Variants in FOXP1 observed in about 807,000 individuals in gnomAD.
The protein encoded by FOXP1 is forkhead box protein P1.
A neutral mutation model predicts 98.2 loss-of-function variants in FOXP1; 15 were observed. The ratio of observed to expected loss-of-function variants is 0.15; its 90% CI spans 0.10 to 0.24. The LOEUF (loss-of-function observed/expected upper bound fraction) is 0.24, where lower values mean the gene tolerates loss of function less well. Ranked by LOEUF, FOXP1 falls within the 10% of genes least tolerant of loss-of-function variation. The pLI, the probability that FOXP1 is intolerant of heterozygous loss-of-function variation, is 1.00. For missense variants in FOXP1, 633 were observed against 848.5 expected (o/e 0.75, Z 3.15); for synonymous variants, 371 against 314.5 (o/e 1.18, Z -1.90).
At chr3:71,565,036 T>C (rs1387754751) in intron 2 of FOXP1, among the ~76,000 whole-genome samples, 1 of 151,980 alleles carries the variant, frequency 6.6e-6, no homozygotes, top group Non-Finnish European at 1.5e-5. Flanking sequence ...GGAGGCGAGG[T>C]TGCAGGGAGC....
At chr3:71,236,616 T>A (rs1214075243) in intron 5 of FOXP1, among the ~76,000 whole-genome samples, 1 of 152,158 alleles carries the variant, frequency 6.6e-6, no homozygotes, top group Non-Finnish European at 1.5e-5. Context: ...ACACCTGTAA[T>A]CCCAACACTT....
At chr3:71,108,101 A>G (rs931829010) in intron 7 of FOXP1, among the ~76,000 whole-genome samples, 1 of 152,214 alleles carries the variant, frequency 6.6e-6, no homozygotes, top group Non-Finnish European at 1.5e-5. Context: ...TCAGGTTCAA[A>G]TTCTTTATAG....
chr3:71,042,608 G>A (rs1039459632), intron 10 of FOXP1, among the ~76,000 whole-genome samples: 1 of 152,172 alleles, frequency 6.6e-6, no homozygotes, highest in African/African-American at 2.4e-5. Flanking sequence ...CACATTAGAA[G>A]TGGACGTCTG....
chr3:70,986,195 T>C (rs549576790), intron 14 of FOXP1, among the ~76,000 whole-genome samples: 2 of 152,330 alleles, frequency 1.3e-5, no homozygotes, highest in East Asian at 3.9e-4. Context: ...ACCAGCTGCT[T>C]AACACTGGTC....
At chr3:71,110,842 T>C (rs979465959) in intron 7 of FOXP1, among the ~76,000 whole-genome samples, 3 of 152,228 alleles carry the variant, frequency 2.0e-5, no homozygotes, top group Non-Finnish European at 4.4e-5. Flanking sequence ...GCACTTCTTA[T>C]AGCACCTGAC....
intron 19 of FOXP1, among the ~76,000 whole-genome samples, chr3:70,966,921 C>A (rs891283227): frequency 2.0e-5 from 3 of 152,166 alleles, no homozygotes; most frequent in African/African-American, 7.2e-5. Context: ...GAAATGCAGA[C>A]GCTAGTTACA....
At chr3:71,158,508 A>C (rs1028326952) in intron 6 of FOXP1, among the ~76,000 whole-genome samples, 16 of 152,154 alleles carry the variant, frequency 1.1e-4, no homozygotes, top group African/African-American at 3.6e-4. Context: ...AGGGATCATG[A>C]AACCAATGAG....
At chr3:71,139,897 A>G (rs1414073537) in intron 6 of FOXP1, among the ~76,000 whole-genome samples, 1 of 152,168 alleles carries the variant, frequency 6.6e-6, no homozygotes, top group Non-Finnish European at 1.5e-5. Context: ...TGCTAACTGG[A>G]GTTCATAATA....
rs545804216 is a variant in FOXP1, at chr3:71,044,543, ATAT to A, written c.664+2396_664+2398del. ...CTTCAGGGAAAAAAAGGCCTTCAAA[ATAT>A]TAATTCTCTATCTATTCCTATACTT... On this transcript the variant is annotated intron_variant, in intron 10 of 20. Coordinates refer to ENST00000649528, the MANE Select transcript of FOXP1 (RefSeq NM_001349338.3). Among the ~76,000 whole-genome samples the A allele has an allele frequency of 1.2e-4, 19 of 152,284 alleles. No homozygotes were observed. In the East Asian group the frequency reaches 3.7e-3, roughly 29 times the overall value.
chr3:71,073,452 G>C (rs779681766), intron 7 of FOXP1, among the ~76,000 whole-genome samples: 3 of 152,066 alleles, frequency 2.0e-5, no homozygotes, highest in Non-Finnish European at 4.4e-5. Flanking sequence ...ACATTCTTAC[G>C]ACAACCTATG....
chr3:71,559,990 T>G (rs1441626159), intron 2 of FOXP1, among the ~76,000 whole-genome samples: 1 of 152,170 alleles, frequency 6.6e-6, no homozygotes, highest in East Asian at 1.9e-4. Context: ...CTAGTAGCCA[T>G]CTTCCTACAA....
rs150472113 is a variant in FOXP1, at chr3:71,121,142, C to G, written c.181-8505G>C. 5.3e-3 allele frequency among the ~76,000 whole-genome samples: 804 copies of G among 151,332 alleles called. 5 individuals carry two copies. Among genetic ancestry groups the G allele is most frequent in the African/African-American group, 0.017 (701 of 41,188 alleles). On this transcript the variant is annotated intron_variant, in intron 6 of 20. Coordinates refer to ENST00000649528, the MANE Select transcript of FOXP1 (RefSeq NM_001349338.3). Reference sequence around the variant, plus strand: ...TTTGCCTGCATTAGCGTTGTGAGCTCAAATGCCATCCTGCGCACCAACTAC... The same window carrying G: ...TTTGCCTGCATTAGCGTTGTGAGCTGAAATGCCATCCTGCGCACCAACTAC...
intron 6 of FOXP1, among the ~76,000 whole-genome samples, chr3:71,121,997 G>C (rs1035217707): frequency 2.0e-5 from 3 of 152,156 alleles, no homozygotes; most frequent in African/African-American, 7.2e-5. Context: ...CTCTCATTAT[G>C]AATAATTCAG....
chr3:71,031,854 C>G (rs891947307), intron 11 of FOXP1, among the ~76,000 whole-genome samples: 5 of 152,184 alleles, frequency 3.3e-5, no homozygotes, highest in African/African-American at 9.6e-5. Context: ...ACACAACCAC[C>G]CAGCCAGAAA....
At chr3:71,212,372 A>G (rs1407836202) in intron 5 of FOXP1, among the ~76,000 whole-genome samples, 2 of 152,170 alleles carry the variant, frequency 1.3e-5, no homozygotes, top group Admixed American at 6.5e-5. Context: ...CTAACAGTGC[A>G]ATTCACAAAG....
At chr3:71,180,446 T>TA (rs201535384) in intron 6 of FOXP1, among the ~76,000 whole-genome samples, 57 of 151,296 alleles carry the variant, frequency 3.8e-4, no homozygotes, top group East Asian at 1.6e-3. Flanking sequence ...GTAGATGTTT[T>TA]AAAAAAAAAT....
chr3:71,079,991 T>G (rs1291707595), intron 7 of FOXP1, among the ~76,000 whole-genome samples: 1 of 152,214 alleles, frequency 6.6e-6, no homozygotes, highest in East Asian at 1.9e-4. Context: ...ATAAACAACA[T>G]GCACAAGACA....
At chr3:71,545,007 G>C (rs2045243326) in intron 2 of FOXP1, among the ~76,000 whole-genome samples, 1 of 152,132 alleles carries the variant, frequency 6.6e-6, no homozygotes, top group Non-Finnish European at 1.5e-5. Flanking sequence ...GGATGAGAAA[G>C]AAAATGATAT....
intron 2 of FOXP1, among the ~76,000 whole-genome samples, chr3:71,564,982 G>A (rs2046802480): frequency 6.6e-6 from 1 of 152,118 alleles, no homozygotes; most frequent in Non-Finnish European, 1.5e-5. Context: ...GGGCGTGGTG[G>A]TACACGCCTG....
Sources: allele counts gnomAD v4.1 joint callset (sites outside exome capture counted in the v4.1 genomes callset), GRCh38; gene constraint gnomAD v4.1.1; transcripts MANE v1.5; gene names NCBI Gene and HGNC (gene_info 2026-07-23, HGNC 2026-07-21).